The following ZMAT2 variants were observed in gnomAD, a reference collection of about 807,000 sequenced individuals.
ZMAT2 encodes zinc finger matrin-type 2.
In ZMAT2, 5 loss-of-function variants were observed where a neutral mutation model predicts 27.5. The observed-to-expected ratio is 0.18, with a 90% CI of 0.10 to 0.38. The LOEUF (loss-of-function observed/expected upper bound fraction) is 0.38, where lower values mean the gene tolerates loss of function less well. Ranked by LOEUF, ZMAT2 falls within the 10% of genes least tolerant of loss-of-function variation. The pLI is 1.00. For synonymous variants in ZMAT2, 76 were observed against 78.6 expected, an observed-to-expected ratio of 0.97 and a Z score of 0.17; for missense variants, 124 against 243.9, an observed-to-expected ratio of 0.51 and a Z score of 3.27.
chr5:140,705,939 T>A lies in ZMAT2; in HGVS notation c.*183T>A. 1.4e-6 allele frequency: 1 copy of A among 703,096 alleles called. No individual in the cohort carries two copies. The highest frequency in any genetic ancestry group is 2.2e-6 in the Non-Finnish European group (1 of 456,920). 43.6% of individuals were successfully genotyped at this position (703,096 alleles called of 1,614,324 possible). A position where few individuals can be genotyped will look rare whatever the true frequency, so the allele number is the denominator to read the frequency against. The stretch of plus-strand genomic sequence containing the variant: ...TGGGAGAGGGCACAGATTGCAGAGG[T>A]AATGCTGTGGCATATTGCTTCTGCC... On this transcript the variant is annotated 3_prime_UTR_variant, in exon 6 of 6. Coordinates refer to ENST00000274712, the MANE Select transcript of ZMAT2 (RefSeq NM_144723.3).
Position 140,700,824 on chromosome 5 carries a change from A to C in ZMAT2, c.24A>C (p.Lys8Asn). MASGSGT[K>N]NLDFRRKWDK... ...ACGCTTTTTCCTCCCCACAGACAAAAAACTTGGACTTTCGCCGAAAGTGGG... is the reference window on the plus strand; with the variant it reads ...ACGCTTTTTCCTCCCCACAGACAAACAACTTGGACTTTCGCCGAAAGTGGG... The change falls in exon 2 of 6, where the codon AAA (lysine) becomes AAC (asparagine). Residue 8 changes from lysine (K) to asparagine (N), a missense_variant. Physicochemically the swap from Lys to Asn is moderately conservative, Grantham distance 94. Coordinates refer to ENST00000274712, the MANE Select transcript of ZMAT2 (RefSeq NM_144723.3). 2 of 1,613,946 alleles carry C rather than the reference A, an allele frequency of 1.2e-6. No homozygotes were observed. The highest frequency in any genetic ancestry group is 1.7e-6 in the Non-Finnish European group (2 of 1,179,888).
rs925013481 is a variant in ZMAT2 at position 140,706,079 on chromosome 5, A to G, written c.*323A>G. ...CCCCTGCATCTTTATCTCTTCATCT[A>G]TCCCACCTCTTGTCTGAACATCCCA... On this transcript the variant is annotated 3_prime_UTR_variant, in exon 6 of 6. Coordinates refer to ENST00000274712, the MANE Select transcript of ZMAT2 (RefSeq NM_144723.3). 3.8e-5 allele frequency: 10 copies of G among 264,578 alleles called. No homozygotes were observed. The South Asian group carries it at 5.4e-4, about 14-fold the overall frequency. 16.4% of individuals were successfully genotyped at this position (264,578 alleles called of 1,614,324 possible).
Position 140,705,541 on chromosome 5 carries a change from A to C in ZMAT2, c.457-72A>C. 2.0e-6 allele frequency: 3 copies of C among 1,517,278 alleles called. No individual in the cohort carries two copies. In the South Asian group the frequency reaches 3.8e-5, roughly 19 times the overall value. 94.0% of individuals were successfully genotyped at this position (1,517,278 alleles called of 1,614,324 possible). A position where few individuals can be genotyped will look rare whatever the true frequency, so the allele number is the denominator to read the frequency against. On this transcript the variant is annotated intron_variant, in intron 5 of 5. Coordinates refer to ENST00000274712, the MANE Select transcript of ZMAT2 (RefSeq NM_144723.3). Reference sequence around the variant, plus strand: ...TTCTGGCATGTACTGCATGCCCCAGAATGTTAGTTGTTGTTACAAACAACA... The same window carrying C: ...TTCTGGCATGTACTGCATGCCCCAGCATGTTAGTTGTTGTTACAAACAACA...
In ZMAT2 at chr5:140,705,888, T is replaced by G. The variant is rs1760049046; in HGVS notation, c.*132T>G. 53 of 1,059,164 alleles carry G rather than the reference T, an allele frequency of 5.0e-5. No individual in the cohort carries two copies. The highest frequency in any genetic ancestry group is 5.2e-5 in the Non-Finnish European group (39 of 752,400). 65.6% of individuals were successfully genotyped at this position (1,059,164 alleles called of 1,614,324 possible). A position where few individuals can be genotyped will look rare whatever the true frequency, so the allele number is the denominator to read the frequency against. The stretch of plus-strand genomic sequence containing the variant: ...AGTGTCAATGGGGAGGGATAGAGGG[T>G]GGGGGCTCATGGTTTCCCTCTACTT... On this transcript the variant is annotated 3_prime_UTR_variant, in exon 6 of 6. Transcript: ENST00000274712.
chr5:140,705,527 A>T (rs535788158), intron 5 of ZMAT2, 86 bp from the exon 6 acceptor site: 2 of 1,479,638 alleles, frequency 1.4e-6, no homozygotes, highest in South Asian at 2.7e-5. Context: ...TCTGGCATGT[A>T]CTGCATGCCC....
chr5:140,704,356 A>G (rs1186517256), intron 4 of ZMAT2, 70 bp from the exon 5 acceptor site: 2 of 1,536,474 alleles, frequency 1.3e-6, no homozygotes, highest in Non-Finnish European at 1.7e-6. Context: ...CAGAGAAGTC[A>G]GGAAAATAAT....
intron 5 of ZMAT2, among the ~76,000 whole-genome samples, chr5:140,705,097 G>A (rs1163180576): frequency 2.6e-5 from 4 of 152,100 alleles, no homozygotes; most frequent in African/African-American, 7.2e-5. Context: ...GATACTTGAA[G>A]TACAGTTTCA....
rs1325396498 is a variant in ZMAT2 at position 140,704,447 on chromosome 5, C to G, written c.332C>G (p.Ser111Cys). The change falls in exon 5 of 6, where the codon TCT (serine) becomes TGT (cysteine). Residue 111 changes from serine to cysteine, a missense_variant. Physicochemically the swap from Ser to Cys is moderately radical, Grantham distance 112. Transcript: ENST00000274712. Reference protein sequence around the residue: ...GKKHQRNLGMSMRVERSTLDQ... With the variant: ...GKKHQRNLGMCMRVERSTLDQ... ...GCAGATCAGAGAAACCTGGGCATGTCTATGCGTGTGGAACGTTCCACCCTG... is the reference window on the plus strand; with the variant it reads ...GCAGATCAGAGAAACCTGGGCATGTGTATGCGTGTGGAACGTTCCACCCTG... 6.2e-7 allele frequency: 1 copy of G among 1,613,876 alleles called. No homozygotes were observed.
In ZMAT2 at chr5:140,700,496, G is replaced by A. The variant is rs1031877182; in HGVS notation, c.18+18G>A. The A allele has an allele frequency of 6.2e-7, 1 of 1,612,980 alleles. No homozygotes were observed. Among genetic ancestry groups the A allele is most frequent in the Non-Finnish European group, 8.5e-7 (1 of 1,179,912 alleles). ...GCAGCGGGGTAGGTGTTGTGTCTGA[G>A]GAGGAGGTTTTGCGGGGTGGGGAAT... is the stretch of plus-strand genomic sequence containing the variant. On this transcript the variant is annotated intron_variant, in intron 1 of 5. Transcript: ENST00000274712.
chr5:140,701,868 A>T, intron 2 of ZMAT2, 138 bp from the exon 3 acceptor site: 3 of 987,142 alleles, frequency 3.0e-6, no homozygotes, highest in African/African-American at 1.7e-5. Flanking sequence ...CCCAGCTGCT[A>T]CTTTAAGTGT....
At chr5:140,703,217 T>TTTTTTC (rs1451974105) in intron 3 of ZMAT2, among the ~76,000 whole-genome samples, 2 of 151,718 alleles carry the variant, frequency 1.3e-5, no homozygotes, top group African/African-American at 4.9e-5. Context: ...TAGACCTTTC[T>TTTTTTC]TTTTTCTTTT....
chr5:140,705,711 T>C lies in ZMAT2; in HGVS notation c.555T>C (p.Ala185=). 2 of 1,614,162 alleles carry C rather than the reference T, an allele frequency of 1.2e-6. No homozygotes were observed. Among genetic ancestry groups the C allele is most frequent in the Non-Finnish European group, 1.7e-6 (2 of 1,180,016 alleles). The stretch of plus-strand genomic sequence containing the variant: ...TTGAGGAGGACGATGAGATGGCAGC[T>C]GTGATGGGCTTCTCTGGCTTTGGTT... ...LTFEEDDEMA[A]VMGFSGFGST... is the part of the protein sequence containing the mutation. The change falls in exon 6 of 6, where the codon GCT becomes GCC. Residue 185 remains alanine (A), a synonymous_variant. Coordinates refer to ENST00000274712, the MANE Select transcript of ZMAT2 (RefSeq NM_144723.3).
At position 140,705,617 on chromosome 5, in the gene ZMAT2, A is replaced by G. The variant is rs766552234; in HGVS notation, c.461A>G (p.Glu154Gly). ...CTGAGTGATTTTTCCCTCCAGGAGG[A>G]AAAGGCCAAAGCGTACAAGAAAGAG... ...ERMKELREEE[E>G]KAKAYKKEKQ... is the part of the protein sequence containing the mutation. The change falls in exon 6 of 6, where the codon GAA becomes GGA. Residue 154 changes from glutamate to glycine, a missense_variant. Physicochemically the swap from Glu to Gly is moderately conservative, Grantham distance 98. Around this residue, in one of 5 missense-constraint regions of ZMAT2, gnomAD observed 53 missense variants for 82.3 expected, o/e 0.64. Transcript: ENST00000274712. 3.7e-6 allele frequency: 6 copies of G among 1,610,334 alleles called. No homozygotes were observed. In the Admixed American group the frequency reaches 6.7e-5, roughly 18 times the overall value.
At chr5:140,703,236 CTTTTCTTTTTTT>C (rs1260446952) in intron 3 of ZMAT2, among the ~76,000 whole-genome samples, 1 of 148,090 alleles carries the variant, frequency 6.8e-6, no homozygotes, top group Admixed American at 6.7e-5. Flanking sequence ...TTTCTTTTTT[CTTTTCTTTTTTT>C]TTTTTTTTCT....
rs1158496592 is a variant in ZMAT2, at chr5:140,700,919, G to A, written c.112+7G>A. The A allele has an allele frequency of 3.1e-6, 5 of 1,613,616 alleles. No individual in the cohort carries two copies. In the African/African-American group the frequency reaches 6.7e-5, roughly 22 times the overall value. On this transcript the variant is annotated splice_region_variant and intron_variant, in intron 2 of 5. Transcript: ENST00000274712. Reference sequence around the variant, plus strand: ...GAGAGAGAAAAGAAAGATGGTGGGTGCTAACTACATCAAGGGCTAAGGGTA... The same window carrying A: ...GAGAGAGAAAAGAAAGATGGTGGGTACTAACTACATCAAGGGCTAAGGGTA...
chr5:140,703,245 T>C (rs1759996958), intron 3 of ZMAT2, among the ~76,000 whole-genome samples: 1 of 151,250 alleles, frequency 6.6e-6, no homozygotes, highest in South Asian at 2.1e-4. Flanking sequence ...TCTTTTCTTT[T>C]TTTTTTTTTT....
intron 2 of ZMAT2, 46 bp downstream of exon 2, chr5:140,700,958 G>T (rs1231281611): frequency 6.3e-7 from 1 of 1,588,370 alleles, no homozygotes; most frequent in African/African-American, 1.4e-5. Flanking sequence ...CAGAGGCGAT[G>T]CGATGATGGA....
Position 140,705,893 on chromosome 5 carries a change from G to A in ZMAT2, c.*137G>A. The A allele has an allele frequency of 8.9e-7, 1 of 1,126,170 alleles. No individual in the cohort carries two copies. The highest frequency in any genetic ancestry group is 1.2e-6 in the Non-Finnish European group (1 of 812,796). The allele number at this position is 1,126,170 out of a possible 1,614,324, so 69.8% of individuals were successfully genotyped here. A position where few individuals can be genotyped will look rare whatever the true frequency, so the allele number is the denominator to read the frequency against. On this transcript the variant is annotated 3_prime_UTR_variant, in exon 6 of 6. Transcript: ENST00000274712. ...CAATGGGGAGGGATAGAGGGTGGGG[G>A]CTCATGGTTTCCCTCTACTTTGGGA...
At position 140,705,979 on chromosome 5, in the gene ZMAT2, G is replaced by C. The variant is rs1760051006; in HGVS notation, c.*223G>C. Reference sequence around the variant, plus strand: ...TTGCTTCTGCCTCAGTGTATCACTGGAGTCACAGGACCCTGCCCACCTGAG... The same window carrying C: ...TTGCTTCTGCCTCAGTGTATCACTGCAGTCACAGGACCCTGCCCACCTGAG... On this transcript the variant is annotated 3_prime_UTR_variant, in exon 6 of 6. Transcript: ENST00000274712. The C allele has an allele frequency of 2.0e-6, 1 of 509,858 alleles. No individual in the cohort carries two copies. Among genetic ancestry groups the C allele is most frequent in the African/African-American group, 1.9e-5 (1 of 52,328 alleles). The allele number at this position is 509,858 out of a possible 1,614,324, so 31.6% of individuals were successfully genotyped here. A position where few individuals can be genotyped will look rare whatever the true frequency, so the allele number is the denominator to read the frequency against.
Sources: allele counts gnomAD v4.1 joint callset (sites outside exome capture counted in the v4.1 genomes callset), GRCh38; gene constraint gnomAD v4.1.1; regional missense constraint gnomAD v4.1.1; transcripts MANE v1.5; gene names NCBI Gene and HGNC (gene_info 2026-07-23, HGNC 2026-07-21).